Variants in RIMS2 observed in about 807,000 individuals in gnomAD.
RIMS2 encodes the protein regulating synaptic membrane exocytosis protein 2.
RIMS2 carries 59 observed loss-of-function variants against 174.4 expected under a neutral mutation model. The observed-to-expected ratio is 0.34, with a 90% CI of 0.27 to 0.42. The LOEUF is 0.42. RIMS2 is among the 10% of genes least tolerant of loss of function. RIMS2 has a pLI of 1.00. For missense variants in RIMS2, 1,620 were observed against 1,666.3 expected (o/e 0.97, Z 0.48); for synonymous variants, 606 against 572.5 (o/e 1.06, Z -0.84).
chr8:103,976,041 A>G (rs1030454867), intron 16 of RIMS2: 1 of 152,460 alleles, frequency 6.6e-6, no homozygotes, highest in Non-Finnish European at 1.5e-5. Context: ...GCAACACCTT[A>G]CAGACACATC....
At chr8:104,187,099 C>T (rs1386744365) in intron 19 of RIMS2, among the ~76,000 whole-genome samples, 3 of 151,788 alleles carry the variant, frequency 2.0e-5, no homozygotes, top group Non-Finnish European at 4.4e-5. Flanking sequence ...TTTTAATATA[C>T]TTTGTCTTAG....
chr8:103,785,658 T>A (rs1367218784), intron 3 of RIMS2, among the ~76,000 whole-genome samples: 1 of 152,142 alleles, frequency 6.6e-6, no homozygotes, highest in Non-Finnish European at 1.5e-5. Flanking sequence ...GATGTGCTGC[T>A]GGATTCGTTT....
chr8:103,740,344 T>C (rs1293711861), intron 2 of RIMS2, among the ~76,000 whole-genome samples: 1 of 152,192 alleles, frequency 6.6e-6, no homozygotes, highest in Non-Finnish European at 1.5e-5. Flanking sequence ...TTAACCTAGA[T>C]GCCTGCTGAC....
intron 19 of RIMS2, among the ~76,000 whole-genome samples, chr8:104,168,585 G>A (rs1190318378): frequency 6.6e-6 from 1 of 151,802 alleles, no homozygotes; most frequent in African/African-American, 2.4e-5. Context: ...AGGGTTTTCA[G>A]GGTATACGAT....
At chr8:103,566,512 T>G (rs539538020) in intron 1 of RIMS2, among the ~76,000 whole-genome samples, 1 of 152,320 alleles carries the variant, frequency 6.6e-6, no homozygotes, top group African/African-American at 2.4e-5. Flanking sequence ...GTACTCTCAG[T>G]TTTTCTACTT....
intron 1 of RIMS2, among the ~76,000 whole-genome samples, chr8:103,678,018 T>C (rs1690420088): frequency 6.6e-6 from 1 of 152,202 alleles, no homozygotes; most frequent in South Asian, 2.1e-4. Context: ...TACAGTTCAC[T>C]ATGTAACTGT....
At chr8:103,985,599 T>G (rs2094301835) in intron 16 of RIMS2, among the ~76,000 whole-genome samples, 2 of 151,906 alleles carry the variant, frequency 1.3e-5, no homozygotes, top group Non-Finnish European at 2.9e-5. Flanking sequence ...ATATATCTCC[T>G]GTACTCCATA....
At chr8:104,028,144 TAAAGAA>T (rs2096297387) in intron 19 of RIMS2, among the ~76,000 whole-genome samples, 6 of 149,814 alleles carry the variant, frequency 4.0e-5, no homozygotes, top group African/African-American at 7.6e-5. Context: ...AAAAAAGATC[TAAAGAA>T]AGAGAACCTA....
chr8:103,550,683 A>G (rs1587483477), intron 1 of RIMS2, among the ~76,000 whole-genome samples: 1 of 152,138 alleles, frequency 6.6e-6, no homozygotes, highest in East Asian at 1.9e-4. Flanking sequence ...TTTTTTGAAA[A>G]GATCAACAAA....
chr8:103,954,924 A>G (rs1366981306), intron 14 of RIMS2, among the ~76,000 whole-genome samples: 6 of 152,226 alleles, frequency 3.9e-5, no homozygotes, highest in African/African-American at 1.4e-4. Context: ...GGATATCACT[A>G]CCAATCCCAC....
At chr8:103,994,158 A>G (rs916423375) in intron 17 of RIMS2, among the ~76,000 whole-genome samples, 1 of 151,808 alleles carries the variant, frequency 6.6e-6, no homozygotes, top group Non-Finnish European at 1.5e-5. Flanking sequence ...CCATTTTTGC[A>G]GTTCTTTTTT....
intron 1 of RIMS2, chr8:103,568,832 T>C: frequency 8.7e-7 from 1 of 1,151,002 alleles, no homozygotes; most frequent in Non-Finnish European, 1.3e-6. Context: ...CATATTCTTC[T>C]GTAGGGTTAG....
chr8:103,509,384 T>G (rs1382882197), intron 1 of RIMS2, among the ~76,000 whole-genome samples: 1 of 152,174 alleles, frequency 6.6e-6, no homozygotes, highest in East Asian at 1.9e-4. Flanking sequence ...TATTTCATTC[T>G]TTGTGTATTT....
At chr8:103,836,860 A>G (rs1360406551) in intron 3 of RIMS2, among the ~76,000 whole-genome samples, 4 of 152,186 alleles carry the variant, frequency 2.6e-5, no homozygotes, top group Non-Finnish European at 5.9e-5. Flanking sequence ...TCTTATTTGT[A>G]TTTTTTAGTG....
At chr8:103,980,655 T>G (rs1051961821) in intron 16 of RIMS2, among the ~76,000 whole-genome samples, 3 of 152,078 alleles carry the variant, frequency 2.0e-5, no homozygotes, top group African/African-American at 7.2e-5. Flanking sequence ...TAGTACAAGC[T>G]CAGCATTTCA....
At chr8:103,601,860 A>T (rs976196315) in intron 1 of RIMS2, among the ~76,000 whole-genome samples, 2 of 151,988 alleles carry the variant, frequency 1.3e-5, no homozygotes, top group Admixed American at 1.3e-4. Flanking sequence ...AGACTTTCTT[A>T]TAACCTATTA....
intron 19 of RIMS2, among the ~76,000 whole-genome samples, chr8:104,040,857 T>C (rs976946406): frequency 6.6e-6 from 1 of 151,746 alleles, no homozygotes; most frequent in South Asian, 2.1e-4. Context: ...GGAATAGAAA[T>C]CTGTTGAAAC....
At chr8:103,655,272 T>A (rs1589769972) in intron 1 of RIMS2, among the ~76,000 whole-genome samples, 1 of 151,946 alleles carries the variant, frequency 6.6e-6, no homozygotes. Context: ...CTTTTGCTAT[T>A]TTTTGCATCA....
At chr8:103,736,207 A>G (rs2139122225) in intron 2 of RIMS2, among the ~76,000 whole-genome samples, 1 of 152,312 alleles carries the variant, frequency 6.6e-6, no homozygotes, top group Middle Eastern at 3.4e-3. Context: ...ACTCAAGTCA[A>G]AATTTGAATT....
Sources: allele counts gnomAD v4.1 joint callset (sites outside exome capture counted in the v4.1 genomes callset), GRCh38; gene constraint gnomAD v4.1.1; transcripts MANE v1.5; gene names NCBI Gene and HGNC (gene_info 2026-07-23, HGNC 2026-07-21).